Variants in AKT3 observed in about 807,000 individuals in gnomAD.
AKT3 encodes RAC-gamma serine/threonine-protein kinase.
A neutral mutation model predicts 65.3 loss-of-function variants in AKT3; 15 were observed. That is an observed-to-expected ratio of 0.23 (90% CI 0.15 to 0.35). The LOEUF (loss-of-function observed/expected upper bound fraction) is 0.35. Ranked by LOEUF, AKT3 falls within the 10% of genes least tolerant of loss-of-function variation. The pLI is 1.00. For synonymous variants in AKT3, 206 were observed against 183.8 expected (o/e 1.12, Z -0.98); for missense variants, 243 against 576.5 (o/e 0.42, Z 5.92).
intron 4 of AKT3, among the ~76,000 whole-genome samples, chr1:243,653,230 A>C (rs1681512475): frequency 6.6e-6 from 1 of 152,240 alleles, no homozygotes; most frequent in Non-Finnish European, 1.5e-5. Flanking sequence ...CTATGCAAAT[A>C]AACTAGAAAA....
At chr1:243,679,676 A>G (rs1273503290) in intron 3 of AKT3, among the ~76,000 whole-genome samples, 5 of 152,114 alleles carry the variant, frequency 3.3e-5, no homozygotes, top group Non-Finnish European at 1.5e-5. Context: ...TAAAAACCTA[A>G]CATGAATTAA....
In AKT3 at chr1:243,730,130, A is replaced by C. The variant is rs142827887; in HGVS notation, c.47-34414T>G. 4.8e-3 allele frequency among the ~76,000 whole-genome samples: 733 copies of C among 152,212 alleles called. 5 individuals are homozygous for C. Among genetic ancestry groups the C allele is most frequent in the African/African-American group, 0.017 (689 of 41,532 alleles). ...TTTCCTTTACGCCTTTCAGCCAATGAAATGGTGTTTTTTCCAGGTCCACCC... is the reference window on the plus strand; with the variant it reads ...TTTCCTTTACGCCTTTCAGCCAATGCAATGGTGTTTTTTCCAGGTCCACCC... On this transcript the variant is annotated intron_variant, in intron 2 of 13. Coordinates refer to ENST00000673466, the MANE Select transcript of AKT3 (RefSeq NM_005465.7).
intron 10 of AKT3, among the ~76,000 whole-genome samples, chr1:243,556,445 A>G (rs1476589675): frequency 6.6e-6 from 1 of 152,066 alleles, no homozygotes; most frequent in Non-Finnish European, 1.5e-5. Context: ...AGGATTTACT[A>G]GGAGGTTAAA....
rs775503811 is a variant in AKT3, at chr1:243,615,159, A to G, written c.564T>C (p.Asp188=). ...ILKKEVIIAK[D]EVAHTLTESR... Reference sequence around the variant, plus strand: ...TTTCAGTTAGAGTGTGTGCCACTTCATCCTACAAAAGAAAAAAAGCAAACC... The same window carrying G: ...TTTCAGTTAGAGTGTGTGCCACTTCGTCCTACAAAAGAAAAAAAGCAAACC... Residue 188 remains aspartate (D), a splice_region_variant and synonymous_variant, in exon 7 of 14, where the codon GAT becomes GAC. Coordinates refer to ENST00000673466, the MANE Select transcript of AKT3 (RefSeq NM_005465.7). The G allele has an allele frequency of 4.2e-5, 68 of 1,605,344 alleles. No homozygotes were observed. Among genetic ancestry groups the G allele is most frequent in the Non-Finnish European group, 5.7e-5 (67 of 1,175,208 alleles).
At chr1:243,559,295 C>T (rs1558614487) in intron 10 of AKT3, among the ~76,000 whole-genome samples, 1 of 152,124 alleles carries the variant, frequency 6.6e-6, no homozygotes, top group Non-Finnish European at 1.5e-5. Flanking sequence ...CCAGCTAGAA[C>T]TGAACCGCTG....
intron 6 of AKT3, among the ~76,000 whole-genome samples, chr1:243,631,492 T>C (rs1161096040): frequency 6.6e-6 from 1 of 152,168 alleles, no homozygotes; most frequent in Non-Finnish European, 1.5e-5. Context: ...TTTCACCATA[T>C]TGGCCAGGCT....
At chr1:243,684,132 A>C (rs1684112638) in intron 3 of AKT3, among the ~76,000 whole-genome samples, 1 of 151,908 alleles carries the variant, frequency 6.6e-6, no homozygotes, top group Non-Finnish European at 1.5e-5. Context: ...ATGTTAATTG[A>C]ATACTTTTTT....
chr1:243,564,255 A>C (rs1324505612), intron 9 of AKT3, among the ~76,000 whole-genome samples: 1 of 152,202 alleles, frequency 6.6e-6, no homozygotes, highest in Non-Finnish European at 1.5e-5. Context: ...TCTCCTGGGA[A>C]TCTATTGCTA....
At chr1:243,611,456 G>A (rs997362090) in intron 8 of AKT3, among the ~76,000 whole-genome samples, 1 of 152,126 alleles carries the variant, frequency 6.6e-6, no homozygotes. Flanking sequence ...GCTGACGTGG[G>A]TGCATCACTT....
intron 5 of AKT3, among the ~76,000 whole-genome samples, chr1:243,639,171 CTCTT>C (rs1344756531): frequency 1.3e-5 from 2 of 152,134 alleles, no homozygotes; most frequent in East Asian, 1.9e-4. Flanking sequence ...GCTTTGAAAG[CTCTT>C]TCTTTGAAAG....
rs548114352 is a variant in AKT3, at chr1:243,601,814, TGTAA to T, written c.696+11853_696+11856del. On this transcript the variant is annotated intron_variant, in intron 8 of 13. Coordinates refer to ENST00000673466, the MANE Select transcript of AKT3 (RefSeq NM_005465.7). ...GTGAAAAATGGAGAACACAAAAGCCTGTAAGTATGTTTTCAGATTATAGTTTTTG... is the reference window on the plus strand; with the variant it reads ...GTGAAAAATGGAGAACACAAAAGCCTGTATGTTTTCAGATTATAGTTTTTG... Among the ~76,000 whole-genome samples the T allele has an allele frequency of 5.5e-3, 833 of 152,298 alleles. 11 individuals carry two copies. The highest frequency in any genetic ancestry group is 0.019 in the African/African-American group (794 of 41,556).
chr1:243,756,139 T>C (rs1689123601), intron 2 of AKT3, among the ~76,000 whole-genome samples: 1 of 152,210 alleles, frequency 6.6e-6, no homozygotes, highest in Admixed American at 6.5e-5. Context: ...GAAATGTCAA[T>C]ACAAATTCAG....
intron 2 of AKT3, among the ~76,000 whole-genome samples, chr1:243,827,426 C>G (rs1016494861): frequency 7.9e-5 from 12 of 152,120 alleles, no homozygotes; most frequent in African/African-American, 2.9e-4. Flanking sequence ...AAGATACCCT[C>G]TGCCCTTTCT....
At chr1:243,781,435 C>G (rs1199816100) in intron 2 of AKT3, among the ~76,000 whole-genome samples, 1 of 152,110 alleles carries the variant, frequency 6.6e-6, no homozygotes, top group Non-Finnish European at 1.5e-5. Context: ...TTGTACTTCC[C>G]TCCTCTGTCG....
intron 8 of AKT3, among the ~76,000 whole-genome samples, chr1:243,585,404 A>G (rs1675719378): frequency 6.6e-6 from 1 of 152,082 alleles, no homozygotes; most frequent in African/African-American, 2.4e-5. Context: ...AAAATTAACA[A>G]GAAACCAAAA....
At position 243,753,895 on chromosome 1, in the gene AKT3, G is replaced by A. The variant is rs971312089; in HGVS notation, c.47-58179C>T. Among the ~76,000 whole-genome samples, 4 of 152,316 alleles carry A rather than the reference G, an allele frequency of 2.6e-5. No homozygotes were observed. The South Asian group carries it at 8.3e-4, about 32-fold the overall frequency. On this transcript the variant is annotated intron_variant, in intron 2 of 13. Coordinates refer to ENST00000673466, the MANE Select transcript of AKT3 (RefSeq NM_005465.7). ...CCTTCTATAAAGCAAAGATGGAGAAGTAACAATGAACCCTCTCTTCTAATA... is the reference window on the plus strand; with the variant it reads ...CCTTCTATAAAGCAAAGATGGAGAAATAACAATGAACCCTCTCTTCTAATA...
chr1:243,833,789 G>C (rs922971883), intron 2 of AKT3, among the ~76,000 whole-genome samples: 1 of 151,686 alleles, frequency 6.6e-6, no homozygotes, highest in Non-Finnish European at 1.5e-5. Context: ...CCCAGCCACA[G>C]TGGCTCACAC....
intron 12 of AKT3, among the ~76,000 whole-genome samples, chr1:243,521,984 T>C (rs1322014780): frequency 1.3e-5 from 2 of 152,232 alleles, no homozygotes. Context: ...ATACGATACA[T>C]TATTTGAAGA....
chr1:243,636,606 T>A (rs1168040312), intron 6 of AKT3, among the ~76,000 whole-genome samples: 3 of 152,128 alleles, frequency 2.0e-5, no homozygotes, highest in African/African-American at 7.2e-5. Context: ...TGCAAGATAT[T>A]GAGCACATTC....
Sources: gnomAD v4.1 joint callset for allele counts (sites outside exome capture counted in the v4.1 genomes callset) on GRCh38, gnomAD v4.1.1 for gene constraint, MANE v1.5 for transcripts, NCBI Gene and HGNC (gene_info 2026-07-23, HGNC 2026-07-21) for gene names.